MEGF11: variants seen among roughly 807,000 people sequenced by gnomAD.
The protein encoded by MEGF11 is multiple EGF like domains 11.
In MEGF11, 126 loss-of-function variants were observed where a neutral mutation model predicts 146.6. The observed-to-expected ratio is 0.86, with a 90% CI of 0.74 to 1.00. The LOEUF (loss-of-function observed/expected upper bound fraction) is 1.00. Among genes scored for constraint, MEGF11 ranks in the 50% least tolerant of loss-of-function variants. The pLI, the probability that MEGF11 is intolerant of heterozygous loss-of-function variation, is 0.00. For missense variants in MEGF11, 1,509 were observed against 1,521.2 expected, an observed-to-expected ratio of 0.99 and a Z score of 0.13; for synonymous variants, 532 against 583.4, an observed-to-expected ratio of 0.91 and a Z score of 1.27.
chr15:66,153,846 T>G (rs772333592), intron 1 of MEGF11, among the ~76,000 whole-genome samples: 50 of 152,110 alleles, frequency 3.3e-4, no homozygotes, highest in Non-Finnish European at 5.6e-4. Context: ...TCATCTTACC[T>G]GGCAGGGAGG....
chr15:65,929,852 A>C lies in MEGF11; in HGVS notation c.1440T>G (p.Cys480Trp). The C allele has an allele frequency of 6.3e-7, 1 of 1,597,994 alleles. No homozygotes were observed. ...AGTTCAGGCCCCACGTCCCACTGGG[A>C]CATGGCAGGGTGCAGTCCAGGCCCT... The part of the protein sequence containing the change: ...GWQGLDCTLP[C>W]PSGTWGLNCN... The change falls in exon 12 of 26, where the codon TGT (cysteine) becomes TGG (tryptophan). Residue 480 changes from cysteine to tryptophan, a missense_variant. By Grantham distance (215) the Cys-to-Trp change is radical. Coordinates refer to ENST00000395614, the MANE Select transcript of MEGF11 (RefSeq NM_001385028.1).
intron 5 of MEGF11, among the ~76,000 whole-genome samples, chr15:65,992,450 T>TGTGTGGGGG (rs776847440): frequency 7.9e-6 from 1 of 126,548 alleles, no homozygotes; most frequent in Admixed American, 7.8e-5. Flanking sequence ...TGTGTGTGTG[T>TGTGTGGGGG]GGGGGGGGGG....
chr15:65,965,613 C>CTT (rs1186551497), intron 8 of MEGF11, among the ~76,000 whole-genome samples: 3 of 53,522 alleles, frequency 5.6e-5, no homozygotes. Flanking sequence ...TTTTTTTTTT[C>CTT]TTTTTTTTTT....
At chr15:66,041,608 G>A (rs1208695528) in intron 5 of MEGF11, among the ~76,000 whole-genome samples, 1 of 152,200 alleles carries the variant, frequency 6.6e-6, no homozygotes, top group Non-Finnish European at 1.5e-5. Context: ...ATCACAGCAG[G>A]CCATTTCTTT....
At chr15:66,235,466 C>T (rs1338061867) in intron 1 of MEGF11, among the ~76,000 whole-genome samples, 1 of 151,308 alleles carries the variant, frequency 6.6e-6, no homozygotes, top group Non-Finnish European at 1.5e-5. Context: ...GGTATCACTA[C>T]ACTCCAGCCT....
intron 5 of MEGF11, among the ~76,000 whole-genome samples, chr15:66,066,138 G>A (rs1361318589): frequency 6.6e-6 from 1 of 152,194 alleles, no homozygotes; most frequent in Non-Finnish European, 1.5e-5. Context: ...CCAAATGCCG[G>A]AAGAGGAAGC....
chr15:65,910,287 A>G (rs1473336129), intron 21 of MEGF11, among the ~76,000 whole-genome samples: 2 of 152,198 alleles, frequency 1.3e-5, no homozygotes, highest in Non-Finnish European at 2.9e-5. Flanking sequence ...GCTTCAGAAC[A>G]GAGTGTCTTG....
At chr15:65,986,843 G>A (rs2081877107) in intron 5 of MEGF11, among the ~76,000 whole-genome samples, 1 of 145,020 alleles carries the variant, frequency 6.9e-6, no homozygotes, top group Admixed American at 7.0e-5. Context: ...TGTTGCCTAG[G>A]CTGGAGTGCA....
At chr15:66,152,420 G>T (rs2089604800) in intron 1 of MEGF11, among the ~76,000 whole-genome samples, 1 of 152,150 alleles carries the variant, frequency 6.6e-6, no homozygotes, top group South Asian at 2.1e-4. Flanking sequence ...ACTTTGCGGT[G>T]TAAGTCACCT....
intron 15 of MEGF11, among the ~76,000 whole-genome samples, chr15:65,920,545 C>G (rs78843015): frequency 0.06 from 9,143 of 152,210 alleles, 316 homozygotes; most frequent in Middle Eastern, 0.095. Context: ...ATACATGAGG[C>G]CAACAAATTT....
chr15:65,984,118 A>G (rs1240617265), intron 5 of MEGF11, among the ~76,000 whole-genome samples: 1 of 152,172 alleles, frequency 6.6e-6, no homozygotes, highest in Non-Finnish European at 1.5e-5. Context: ...ACACACACAC[A>G]AACTGAACTG....
chr15:65,957,838 G>T, intron 9 of MEGF11, 117 bp from the exon 10 acceptor site: 2 of 899,714 alleles, frequency 2.2e-6, no homozygotes, highest in Non-Finnish European at 3.4e-6. Context: ...GGACCTCTGG[G>T]ATTAAATTGC....
intron 7 of MEGF11, among the ~76,000 whole-genome samples, chr15:65,974,634 A>T (rs962158560): frequency 6.6e-6 from 1 of 152,134 alleles, no homozygotes; most frequent in African/African-American, 2.4e-5. Context: ...CAGCCTGGGC[A>T]ACACAGTGAG....
At chr15:65,900,959 T>C (rs541262594) in intron 24 of MEGF11, among the ~76,000 whole-genome samples, 1 of 152,328 alleles carries the variant, frequency 6.6e-6, no homozygotes, top group Admixed American at 6.5e-5. Flanking sequence ...ACTAGTGCCC[T>C]GATTTCACTA....
chr15:66,113,308 G>T (rs943128042), intron 4 of MEGF11, among the ~76,000 whole-genome samples: 1 of 152,150 alleles, frequency 6.6e-6, no homozygotes. Context: ...TGGAGTTTCT[G>T]GTGGATCCCT....
chr15:66,247,896 C>T (rs2092317842), intron 1 of MEGF11, among the ~76,000 whole-genome samples: 1 of 151,438 alleles, frequency 6.6e-6, no homozygotes, highest in African/African-American at 2.4e-5. Flanking sequence ...ATTAGCCAGG[C>T]ATGGTGGCGC....
intron 1 of MEGF11, among the ~76,000 whole-genome samples, chr15:66,204,018 G>A (rs1464468300): frequency 6.6e-6 from 1 of 152,002 alleles, no homozygotes; most frequent in African/African-American, 2.4e-5. Flanking sequence ...CAAGATGGGA[G>A]GATCACTTGA....
intron 3 of MEGF11, among the ~76,000 whole-genome samples, chr15:66,121,376 T>C (rs1275004117): frequency 2.6e-5 from 4 of 152,196 alleles, no homozygotes; most frequent in Non-Finnish European, 1.5e-5. Context: ...CACAGTCAAA[T>C]GCTAGAGGAA....
At chr15:66,148,499 C>T (rs753023663) in intron 1 of MEGF11, among the ~76,000 whole-genome samples, 25 of 152,294 alleles carry the variant, frequency 1.6e-4, no homozygotes, top group African/African-American at 2.9e-4. Flanking sequence ...GCAGGAAGAA[C>T]GACAGGAGGT....
Sources: gnomAD v4.1 joint callset for allele counts (sites outside exome capture counted in the v4.1 genomes callset) on GRCh38, gnomAD v4.1.1 for gene constraint, MANE v1.5 for transcripts, NCBI Gene and HGNC (gene_info 2026-07-23, HGNC 2026-07-21) for gene names.